STT3B: variants seen among roughly 807,000 people sequenced by gnomAD.
The protein encoded by STT3B is dolichyl-diphosphooligosaccharide--protein glycosyltransferase subunit STT3B.
STT3B carries 29 observed loss-of-function variants against 96.8 expected under a neutral mutation model. The observed-to-expected ratio is 0.30, with a 90% CI of 0.22 to 0.41. The LOEUF is 0.41. Ranked by LOEUF, STT3B falls within the 10% of genes least tolerant of loss-of-function variation. The probability of loss-of-function intolerance (pLI) is 1.00; values close to 1 mark genes in which losing one functional copy is unlikely to be tolerated. For missense variants in STT3B, 640 were observed against 1,022.3 expected, an observed-to-expected ratio of 0.63 and a Z score of 5.10; for synonymous variants, 367 against 360.0, an observed-to-expected ratio of 1.02 and a Z score of -0.22.
chr3:31,581,529 C>A (rs1698383791), intron 3 of STT3B, among the ~76,000 whole-genome samples: 1 of 152,156 alleles, frequency 6.6e-6, no homozygotes, highest in Admixed American at 6.5e-5. Flanking sequence ...GAGCACATTA[C>A]ATTCATGAAT....
At chr3:31,546,888 A>G (rs1654766106) in intron 1 of STT3B, among the ~76,000 whole-genome samples, 1 of 152,188 alleles carries the variant, frequency 6.6e-6, no homozygotes, top group Non-Finnish European at 1.5e-5. Context: ...AGTACTGCTT[A>G]GTATGTTAAA....
chr3:31,541,228 A>T (rs551575713), intron 1 of STT3B, among the ~76,000 whole-genome samples: 2 of 152,266 alleles, frequency 1.3e-5, no homozygotes, highest in South Asian at 4.1e-4. Context: ...GAAAAATATA[A>T]ATCTAAAGTA....
At chr3:31,591,832 T>C (rs1225567670) in intron 3 of STT3B, among the ~76,000 whole-genome samples, 3 of 152,172 alleles carry the variant, frequency 2.0e-5, no homozygotes, top group African/African-American at 7.2e-5. Context: ...TGTCCCATGA[T>C]CTGAGTTTCC....
rs569706586 is a variant in STT3B at position 31,544,245 on chromosome 3, CTGAT to C, written c.314+10934_314+10937del. 9.2e-5 allele frequency among the ~76,000 whole-genome samples: 14 copies of C among 152,268 alleles called. No homozygotes were observed. In the South Asian group the frequency reaches 1.2e-3, roughly 14 times the overall value. On this transcript the variant is annotated intron_variant, in intron 1 of 15. Transcript: ENST00000295770. ...CTTTAGGAAACCATCACAGCTCTGA[CTGAT>C]CTCATTTAAACTTTCCCATAAGAGG...
intron 5 of STT3B, among the ~76,000 whole-genome samples, chr3:31,609,585 G>GT (rs781652230): frequency 7.9e-5 from 12 of 151,626 alleles, no homozygotes; most frequent in East Asian, 1.9e-4. Context: ...TTGTTTTTTT[G>GT]TTTTTTTGTT....
chr3:31,610,043 A>T (rs979175935), intron 5 of STT3B, among the ~76,000 whole-genome samples: 1 of 152,196 alleles, frequency 6.6e-6, no homozygotes, highest in African/African-American at 2.4e-5. Flanking sequence ...TTTTATCATT[A>T]TGTATGCCTG....
Position 31,600,478 on chromosome 3 carries a change from G to T in STT3B, c.877+19G>T, listed in dbSNP as rs756040094. ...TACATAGGTAAGTAATTTGATTTTT[G>T]ACATCTGTCAACTAAGAGATGTTTT... is the stretch of plus-strand genomic sequence containing the variant. On this transcript the variant is annotated intron_variant, in intron 5 of 15. Transcript: ENST00000295770. 5 of 1,187,744 alleles carry T rather than the reference G, an allele frequency of 4.2e-6. No homozygotes were observed. Among genetic ancestry groups the T allele is most frequent in the Admixed American group, 3.6e-5 (2 of 55,858 alleles). The allele number at this position is 1,187,744 out of a possible 1,614,324, so 73.6% of individuals were successfully genotyped here.
At chr3:31,581,787 AC>A (rs1274655386) in intron 3 of STT3B, among the ~76,000 whole-genome samples, 1 of 152,074 alleles carries the variant, frequency 6.6e-6, no homozygotes, top group Non-Finnish European at 1.5e-5. Context: ...AGTTCTTTAA[AC>A]GTTTTAGTAG....
chr3:31,624,848 A>G (rs1699501936), intron 11 of STT3B, 66 bp from the exon 12 acceptor site: 6 of 1,328,766 alleles, frequency 4.5e-6, no homozygotes, highest in Non-Finnish European at 5.3e-6. Flanking sequence ...TAATACCTCA[A>G]GATTTTAAGT....
intron 1 of STT3B, among the ~76,000 whole-genome samples, chr3:31,549,145 C>T (rs1575408410): frequency 6.6e-6 from 1 of 151,996 alleles, no homozygotes; most frequent in South Asian, 2.1e-4. Flanking sequence ...GTAACTTTAC[C>T]AAAGTCGTAG....
At chr3:31,571,009 C>T (rs970122604) in intron 1 of STT3B, among the ~76,000 whole-genome samples, 4 of 152,026 alleles carry the variant, frequency 2.6e-5, no homozygotes, top group Admixed American at 6.6e-5. Context: ...GCAGTCCAGG[C>T]CCAACAGGAA....
At chr3:31,566,072 AAT>A (rs1384246359) in intron 1 of STT3B, among the ~76,000 whole-genome samples, 2 of 152,208 alleles carry the variant, frequency 1.3e-5, no homozygotes, top group Non-Finnish European at 1.5e-5. Flanking sequence ...CCCATATATA[AAT>A]AGACAAATAG....
chr3:31,550,644 G>A (rs1697527813), intron 1 of STT3B, among the ~76,000 whole-genome samples: 1 of 152,148 alleles, frequency 6.6e-6, no homozygotes, highest in African/African-American at 2.4e-5. Flanking sequence ...AGGAATTTAT[G>A]TAATCATATT....
At chr3:31,610,169 G>A (rs562839488) in intron 5 of STT3B, among the ~76,000 whole-genome samples, 13 of 151,816 alleles carry the variant, frequency 8.6e-5, no homozygotes, top group Non-Finnish European at 1.9e-4. Context: ...TATCTACCAG[G>A]GTTCACAGTA....
rs1559396984 is a variant in STT3B at position 31,637,518 on chromosome 3, T to C, written c.*1454T>C. 6.6e-6 allele frequency: 1 copy of C among 152,220 alleles called. No homozygotes were observed. The highest frequency in any genetic ancestry group is 6.5e-5 in the Admixed American group (1 of 15,288). The allele number at this position is 152,220 out of a possible 1,614,324, so 9.4% of individuals were successfully genotyped here. On this transcript the variant is annotated 3_prime_UTR_variant, in exon 16 of 16. Coordinates refer to ENST00000295770, the MANE Select transcript of STT3B (RefSeq NM_178862.3). ...AGTGTAACGAAGTCTGGATTTCTGATACCTTGTCATTTGGGGGATTTTATT... is the reference window on the plus strand; with the variant it reads ...AGTGTAACGAAGTCTGGATTTCTGACACCTTGTCATTTGGGGGATTTTATT...
chr3:31,601,327 A>G (rs972429916), intron 5 of STT3B, among the ~76,000 whole-genome samples: 2 of 152,258 alleles, frequency 1.3e-5, no homozygotes, highest in East Asian at 3.8e-4. Context: ...TTATGAAACC[A>G]TAAAATATGG....
intron 3 of STT3B, among the ~76,000 whole-genome samples, chr3:31,585,540 A>C (rs1698517724): frequency 6.6e-6 from 1 of 152,024 alleles, no homozygotes; most frequent in Non-Finnish European, 1.5e-5. Context: ...AGTGTTTATC[A>C]TATTGCCTCT....
chr3:31,548,607 G>C (rs1697473710), intron 1 of STT3B, among the ~76,000 whole-genome samples: 1 of 151,914 alleles, frequency 6.6e-6, no homozygotes, highest in African/African-American at 2.4e-5. Context: ...GTTCAGTATT[G>C]ACCACCTCTC....
At position 31,595,693 on chromosome 3, in the gene STT3B, G is replaced by A. The variant is rs571912799; in HGVS notation, c.712-1105G>A. 2.6e-5 allele frequency among the ~76,000 whole-genome samples: 4 copies of A among 152,240 alleles called. No individual in the cohort carries two copies. The East Asian group carries it at 5.8e-4, about 22-fold the overall frequency. On this transcript the variant is annotated intron_variant, in intron 3 of 15. Transcript: ENST00000295770. ...ATGAAATATGGTATATTGGTTACTT[G>A]CTTTTCAGTTTACTTCCTCCTCTAG...
Sources: gnomAD v4.1 joint callset for allele counts (sites outside exome capture counted in the v4.1 genomes callset) on GRCh38, gnomAD v4.1.1 for gene constraint, MANE v1.5 for transcripts, NCBI Gene and HGNC (gene_info 2026-07-23, HGNC 2026-07-21) for gene names.